The following OSBPL8 variants were observed in gnomAD, a reference collection of about 807,000 sequenced individuals.
OSBPL8 encodes the protein oxysterol-binding protein-related protein 8.
OSBPL8 carries 59 observed loss-of-function variants against 125.5 expected under a neutral mutation model. The observed-to-expected ratio is 0.47, with a 90% CI of 0.38 to 0.58. OSBPL8 has a LOEUF of 0.58. OSBPL8 is among the 20% of genes least tolerant of loss of function. OSBPL8 has a pLI of 0.00. For synonymous variants in OSBPL8, 330 were observed against 338.9 expected (o/e 0.97, Z 0.29); for missense variants, 758 against 1,047.8 (o/e 0.72, Z 3.82).
intron 4 of OSBPL8, among the ~76,000 whole-genome samples, chr12:76,424,573 T>G (rs1300700630): frequency 1.3e-5 from 2 of 152,226 alleles, no homozygotes; most frequent in African/African-American, 4.8e-5. Context: ...AGTATAATAG[T>G]TAAGCAGGAT....
At chr12:76,548,539 AG>A (rs1432144097) in intron 1 of OSBPL8, among the ~76,000 whole-genome samples, 1 of 152,232 alleles carries the variant, frequency 6.6e-6, no homozygotes, top group Non-Finnish European at 1.5e-5. Flanking sequence ...AAAACAAGTC[AG>A]CTTTTCCCTA....
rs1565854382 is a variant in OSBPL8, at chr12:76,390,578, GATCATTTTCTTTATCAGATTT to G, written c.988_1008del (p.Lys330_Asp336del). Reference sequence around the variant, plus strand: ...TCATTATCAGACTCATCATGTTCTTGATCATTTTCTTTATCAGATTTATCAGAATACATATCTTGGTCCTTA... The same window carrying G: ...TCATTATCAGACTCATCATGTTCTTGATCAGAATACATATCTTGGTCCTTA... On this transcript the variant is annotated inframe_deletion, in exon 11 of 24. Coordinates refer to ENST00000261183, the MANE Select transcript of OSBPL8 (RefSeq NM_020841.5). 6.2e-7 allele frequency: 1 copy of G among 1,613,562 alleles called. No homozygotes were observed. Among genetic ancestry groups the G allele is most frequent in the Non-Finnish European group, 8.5e-7 (1 of 1,179,746 alleles).
chr12:76,441,774 T>C (rs1360303224), intron 4 of OSBPL8, among the ~76,000 whole-genome samples: 4 of 151,782 alleles, frequency 2.6e-5, no homozygotes, highest in Non-Finnish European at 4.4e-5. Flanking sequence ...GGATGGTTAC[T>C]GGAGGCTGGG....
rs759901225 is a variant in OSBPL8, at chr12:76,354,652, G to A, written c.*1237C>T. ...GCTTTCAAGGAATATAAATATTTAC[G>A]TAAAAACACAAAATCAAAATATTAA... On this transcript the variant is annotated 3_prime_UTR_variant, in exon 24 of 24. Transcript: ENST00000261183. 6.6e-6 allele frequency: 1 copy of A among 151,684 alleles called. No individual in the cohort carries two copies. The highest frequency in any genetic ancestry group is 2.4e-5 in the African/African-American group (1 of 41,324). The allele number at this position is 151,684 out of a possible 1,614,324, so 9.4% of individuals were successfully genotyped here.
intron 15 of OSBPL8, among the ~76,000 whole-genome samples, chr12:76,382,039 T>C (rs1302030192): frequency 6.6e-6 from 1 of 152,052 alleles, no homozygotes; most frequent in Non-Finnish European, 1.5e-5. Context: ...GCGGCCTACT[T>C]TCCATTTACT....
Position 76,390,436 on chromosome 12 carries a change from T to C in OSBPL8, c.1151A>G (p.His384Arg). 1.2e-6 allele frequency: 2 copies of C among 1,610,194 alleles called. No individual in the cohort carries two copies. The highest frequency in any genetic ancestry group is 1.1e-5 in the South Asian group (1 of 90,104). The change falls in exon 11 of 24, where the codon CAT (histidine) becomes CGT (arginine). Residue 384 changes from histidine to arginine, a missense_variant. Coordinates refer to ENST00000261183, the MANE Select transcript of OSBPL8 (RefSeq NM_020841.5). ...LKETTYTEQS[H>R]EELGEAGEAS... ...GACTTTTACCTCTCCAAGTTCTTCA[T>C]GGCTCTGTTCAGTGTAGGTAGTCTC...
At chr12:76,541,879 A>C (rs778224539) in intron 1 of OSBPL8, among the ~76,000 whole-genome samples, 2 of 152,046 alleles carry the variant, frequency 1.3e-5, no homozygotes, top group South Asian at 2.1e-4. Context: ...AAATAAAAAT[A>C]AATAAAAGTA....
intron 7 of OSBPL8, among the ~76,000 whole-genome samples, 157 bp from the exon 8 acceptor site, chr12:76,398,054 C>T (rs1034894643): frequency 2.0e-5 from 3 of 152,142 alleles, no homozygotes. Flanking sequence ...AGCAAACAGA[C>T]ATGAAAATGA....
At chr12:76,476,012 G>C (rs1876762886) in intron 2 of OSBPL8, among the ~76,000 whole-genome samples, 1 of 152,090 alleles carries the variant, frequency 6.6e-6, no homozygotes, top group Non-Finnish European at 1.5e-5. Flanking sequence ...CTCTCAAATG[G>C]GCTGTTTACA....
intron 6 of OSBPL8, among the ~76,000 whole-genome samples, 164 bp downstream of exon 6, chr12:76,402,525 A>G (rs1388111938): frequency 1.3e-5 from 2 of 151,942 alleles, no homozygotes; most frequent in Non-Finnish European, 2.9e-5. Context: ...ACCACAGTGT[A>G]CCATACAAAT....
Position 76,369,311 on chromosome 12 carries a change from T to G in OSBPL8, c.2241-10A>C. On this transcript the variant is annotated splice_polypyrimidine_tract_variant and intron_variant, in intron 20 of 23. Transcript: ENST00000261183. ...GTCCCATGGTCGGGTACTACATAAA[T>G]GAAAAAAAAAAAAACCATTTGCTCA... The G allele has an allele frequency of 6.7e-7, 1 of 1,485,410 alleles. No homozygotes were observed. The highest frequency in any genetic ancestry group is 1.6e-5 in the African/African-American group (1 of 63,328). 92.0% of individuals were successfully genotyped at this position (1,485,410 alleles called of 1,614,324 possible).
chr12:76,500,574 A>G (rs1159655990), intron 1 of OSBPL8, among the ~76,000 whole-genome samples: 1 of 152,188 alleles, frequency 6.6e-6, no homozygotes, highest in African/African-American at 2.4e-5. Flanking sequence ...TATATTTTTA[A>G]CAATAATGGA....
intron 1 of OSBPL8, among the ~76,000 whole-genome samples, chr12:76,551,391 C>T (rs1950933667): frequency 1.3e-5 from 2 of 152,180 alleles, no homozygotes; most frequent in African/African-American, 4.8e-5. Flanking sequence ...AAAGATGGTA[C>T]TAGCATCTAG....
At chr12:76,515,459 C>T (rs1438249193) in intron 1 of OSBPL8, among the ~76,000 whole-genome samples, 1 of 152,160 alleles carries the variant, frequency 6.6e-6, no homozygotes, top group East Asian at 1.9e-4. Flanking sequence ...GACTGCGATC[C>T]AGCAGGTGGC....
intron 4 of OSBPL8, among the ~76,000 whole-genome samples, chr12:76,443,254 A>G (rs1446822709): frequency 6.6e-6 from 1 of 152,220 alleles, no homozygotes; most frequent in African/African-American, 2.4e-5. Flanking sequence ...TATAATTGAA[A>G]GATGGTTTTT....
intron 4 of OSBPL8, among the ~76,000 whole-genome samples, chr12:76,433,316 C>T (rs916945111): frequency 2.0e-5 from 3 of 152,034 alleles, no homozygotes; most frequent in Admixed American, 1.3e-4. Context: ...TAATCATACA[C>T]GTAGAAAACC....
At chr12:76,398,513 T>C (rs1953915355) in intron 7 of OSBPL8, among the ~76,000 whole-genome samples, 1 of 152,236 alleles carries the variant, frequency 6.6e-6, no homozygotes, top group Non-Finnish European at 1.5e-5. Context: ...TTCTTCATCC[T>C]AGGGTTTAAT....
At chr12:76,526,758 C>A (rs1443637198) in intron 1 of OSBPL8, among the ~76,000 whole-genome samples, 1 of 145,980 alleles carries the variant, frequency 6.9e-6, no homozygotes, top group Non-Finnish European at 1.5e-5. Flanking sequence ...TCCAGCAACT[C>A]TCCTGTCTCA....
chr12:76,533,558 C>A (rs1247922129), intron 1 of OSBPL8, among the ~76,000 whole-genome samples: 1 of 152,116 alleles, frequency 6.6e-6, no homozygotes, highest in Non-Finnish European at 1.5e-5. Flanking sequence ...AACACAGGAG[C>A]AGACACAAAC....
Sources: gnomAD v4.1 joint callset for allele counts (sites outside exome capture counted in the v4.1 genomes callset) on GRCh38, gnomAD v4.1.1 for gene constraint, MANE v1.5 for transcripts, NCBI Gene and HGNC (gene_info 2026-07-23, HGNC 2026-07-21) for gene names.